Variants in ELMO1 observed in about 807,000 individuals in gnomAD.
The protein encoded by ELMO1 is engulfment and cell motility protein 1.
A neutral mutation model predicts 98.9 loss-of-function variants in ELMO1; 26 were observed. That is an observed-to-expected ratio of 0.26 (90% CI 0.19 to 0.36). ELMO1 has a LOEUF of 0.36. Among genes scored for constraint, ELMO1 ranks in the 10% least tolerant of loss-of-function variants. The pLI, the probability that ELMO1 is intolerant of heterozygous loss-of-function variation, is 1.00. For synonymous variants in ELMO1, 346 were observed against 346.0 expected, an observed-to-expected ratio of 1.00 and a Z score of 0.00; for missense variants, 627 against 935.2, an observed-to-expected ratio of 0.67 and a Z score of 4.30.
chr7:37,092,676 T>A (rs560769607), intron 15 of ELMO1, among the ~76,000 whole-genome samples: 8 of 152,094 alleles, frequency 5.3e-5, no homozygotes, highest in Non-Finnish European at 1.0e-4. Flanking sequence ...CATCCGGCCC[T>A]AAAATTACTC....
At chr7:37,159,354 G>C (rs1353207886) in intron 13 of ELMO1, among the ~76,000 whole-genome samples, 1 of 151,988 alleles carries the variant, frequency 6.6e-6, no homozygotes, top group Non-Finnish European at 1.5e-5. Context: ...TCAAAATACA[G>C]CTCTAAAGAA....
Position 37,005,692 on chromosome 7 carries a change from CAAAAAAA to C in ELMO1, c.1437+7600_1437+7606del, listed in dbSNP as rs71553094. ...GGGTGACAAGAGCGAGACTCTGTCT[CAAAAAAA>C]AAAAAAAAAAAAAAAAAAAGAGTCA... On this transcript the variant is annotated intron_variant, in intron 16 of 21. Coordinates refer to ENST00000310758, the MANE Select transcript of ELMO1 (RefSeq NM_014800.11). 6.5e-3 allele frequency among the ~76,000 whole-genome samples: 242 copies of C among 37,494 alleles called. 1 individual carries two copies. The highest frequency in any genetic ancestry group is 0.015 in the Middle Eastern group (1 of 66). 24.6% of individuals were successfully genotyped at this position (37,494 alleles called of 152,430 possible).
chr7:37,441,627 C>T (rs1732006), intron 1 of ELMO1, among the ~76,000 whole-genome samples: 140,039 of 152,222 alleles, frequency 0.92, 64,801 homozygotes, highest in East Asian at 1. Flanking sequence ...CTACCCACCT[C>T]CCTCATTTCA....
At chr7:37,384,598 T>C (rs1802717023) in intron 1 of ELMO1, among the ~76,000 whole-genome samples, 2 of 151,956 alleles carry the variant, frequency 1.3e-5, no homozygotes, top group African/African-American at 4.8e-5. Flanking sequence ...TGGGCGCCTG[T>C]AGTCCCAGCC....
intron 2 of ELMO1, among the ~76,000 whole-genome samples, chr7:37,331,365 G>T (rs1562620411): frequency 3.5e-3 from 44 of 12,622 alleles, no homozygotes; most frequent in East Asian, 0.01. Context: ...TGGAATTTTA[G>T]TAGAGACAGG....
At chr7:37,340,727 AGC>A (rs1800668685) in intron 2 of ELMO1, among the ~76,000 whole-genome samples, 1 of 152,168 alleles carries the variant, frequency 6.6e-6, no homozygotes, top group South Asian at 2.1e-4. Context: ...TTCCAAAATA[AGC>A]AGATAATTTA....
At chr7:37,218,669 G>GT (rs1002275253) in intron 10 of ELMO1, among the ~76,000 whole-genome samples, 10 of 152,260 alleles carry the variant, frequency 6.6e-5, no homozygotes, top group African/African-American at 2.4e-4. Context: ...ATATTGTTTA[G>GT]TTTTAAAAGA....
chr7:36,926,496 A>AC (rs755558774), intron 16 of ELMO1, among the ~76,000 whole-genome samples: 138 of 151,544 alleles, frequency 9.1e-4, no homozygotes, highest in Non-Finnish European at 1.6e-3. Context: ...GGGAGAAGTG[A>AC]CCCCCCCAAC....
intron 1 of ELMO1, among the ~76,000 whole-genome samples, chr7:37,407,317 G>A (rs781522701): frequency 5.3e-5 from 8 of 152,018 alleles, no homozygotes; most frequent in Admixed American, 1.3e-4. Flanking sequence ...AGACCAGCCC[G>A]TCCAACATGC....
intron 16 of ELMO1, among the ~76,000 whole-genome samples, chr7:36,928,268 T>A (rs76781039): frequency 0.02 from 3,095 of 152,240 alleles, 41 homozygotes; most frequent in Non-Finnish European, 0.032. Flanking sequence ...AAGAATAGGA[T>A]TATTTTAAAA....
chr7:36,915,082 T>C (rs1306952257), intron 16 of ELMO1, among the ~76,000 whole-genome samples: 1 of 152,116 alleles, frequency 6.6e-6, no homozygotes, highest in African/African-American at 2.4e-5. Context: ...CACCACATCC[T>C]GCTAATTAAA....
chr7:37,425,766 C>T (rs1647797), intron 1 of ELMO1, among the ~76,000 whole-genome samples: 142,057 of 152,144 alleles, frequency 0.93, 66,530 homozygotes, highest in Non-Finnish European at 0.98. Flanking sequence ...AACCTGTGGC[C>T]GAGTTTGAAA....
intron 4 of ELMO1, among the ~76,000 whole-genome samples, chr7:37,283,660 G>A (rs1797251096): frequency 6.6e-6 from 1 of 152,226 alleles, no homozygotes; most frequent in Non-Finnish European, 1.5e-5. Context: ...ATTCCCTTTG[G>A]GATCCACCAT....
intron 13 of ELMO1, among the ~76,000 whole-genome samples, chr7:37,162,273 C>T (rs1789276976): frequency 6.6e-6 from 1 of 152,004 alleles, no homozygotes; most frequent in Non-Finnish European, 1.5e-5. Context: ...TAAAAAACCC[C>T]ACACCAGGTG....
intron 2 of ELMO1, among the ~76,000 whole-genome samples, chr7:37,339,442 C>T (rs765240874): frequency 1.5e-4 from 23 of 152,150 alleles, no homozygotes; most frequent in African/African-American, 2.9e-4. Flanking sequence ...CTTTTGGAAA[C>T]GGCTTTTAGT....
chr7:37,412,780 C>T (rs1356427834), intron 1 of ELMO1, among the ~76,000 whole-genome samples: 2 of 152,182 alleles, frequency 1.3e-5, no homozygotes, highest in Non-Finnish European at 2.9e-5. Context: ...TTGTCTCTCC[C>T]TGAAACTTTC....
At chr7:36,889,191 A>G (rs976945793) in intron 17 of ELMO1, among the ~76,000 whole-genome samples, 2 of 152,218 alleles carry the variant, frequency 1.3e-5, no homozygotes, top group African/African-American at 4.8e-5. Flanking sequence ...GCCCTCAAAC[A>G]TTCTCTCATT....
chr7:37,421,384 T>C (rs1174571041), intron 1 of ELMO1, among the ~76,000 whole-genome samples: 1 of 152,244 alleles, frequency 6.6e-6, no homozygotes, highest in Non-Finnish European at 1.5e-5. Context: ...TTTGCAATGA[T>C]CAGCCAGAAG....
At chr7:37,270,525 A>C (rs1481296840) in intron 5 of ELMO1, 1 of 152,256 alleles carries the variant, frequency 6.6e-6, no homozygotes, top group East Asian at 1.9e-4. Context: ...ATAGTTAGAC[A>C]CAGTTTTCAT....
Sources: gnomAD v4.1 joint callset for allele counts (sites outside exome capture counted in the v4.1 genomes callset) on GRCh38, gnomAD v4.1.1 for gene constraint, MANE v1.5 for transcripts, NCBI Gene and HGNC (gene_info 2026-07-23, HGNC 2026-07-21) for gene names.